The following NEGR1 variants were observed in gnomAD, a reference collection of about 807,000 sequenced individuals.
The protein encoded by NEGR1 is IgLON family member 4.
Under a neutral mutation model 40.9 loss-of-function variants are expected in NEGR1, and 10 were observed. The ratio of observed to expected loss-of-function variants is 0.24; its 90% confidence interval spans 0.15 to 0.42. The LOEUF (loss-of-function observed/expected upper bound fraction) is 0.42, where lower values mean the gene tolerates loss of function less well. NEGR1 is among the 10% of genes least tolerant of loss of function. The pLI, the probability that NEGR1 is intolerant of heterozygous loss-of-function variation, is 1.00. For missense variants in NEGR1, 352 were observed against 438.9 expected (o/e 0.80, Z 1.77); for synonymous variants, 185 against 166.8 (o/e 1.11, Z -0.84).
chr1:71,561,110 A>G (rs554321934), intron 6 of NEGR1, among the ~76,000 whole-genome samples: 1 of 151,748 alleles, frequency 6.6e-6, no homozygotes, highest in Non-Finnish European at 1.5e-5. Flanking sequence ...ATGAAATCAG[A>G]TATTAGAAGA....
intron 1 of NEGR1, among the ~76,000 whole-genome samples, chr1:71,984,988 T>G (rs1315701939): frequency 6.6e-6 from 1 of 152,170 alleles, no homozygotes; most frequent in Non-Finnish European, 1.5e-5. Context: ...GCTATTATTA[T>G]CCCTATTTTT....
intron 6 of NEGR1, among the ~76,000 whole-genome samples, chr1:71,560,429 T>TATATATATATATATATATATA (rs1648410237): frequency 8.7e-6 from 1 of 114,290 alleles, no homozygotes; most frequent in Non-Finnish European, 1.8e-5. Flanking sequence ...TAATTCTCCA[T>TATATATATATATATATATATA]TATATATATA....
intron 6 of NEGR1, among the ~76,000 whole-genome samples, chr1:71,479,168 G>A (rs1338537929): frequency 6.6e-6 from 1 of 151,916 alleles, no homozygotes; most frequent in Non-Finnish European, 1.5e-5. Flanking sequence ...AACCTCACCA[G>A]TCTTTATGAA....
intron 1 of NEGR1, among the ~76,000 whole-genome samples, chr1:72,117,641 C>T (rs1472202933): frequency 6.6e-6 from 1 of 151,752 alleles, no homozygotes; most frequent in Non-Finnish European, 1.5e-5. Context: ...CCTAGCATTG[C>T]TAATATTTCA....
chr1:71,540,429 T>C (rs1231523952), intron 6 of NEGR1, among the ~76,000 whole-genome samples: 2 of 151,782 alleles, frequency 1.3e-5, no homozygotes, highest in African/African-American at 2.4e-5. Context: ...AAAACCCTCA[T>C]TACTCCTAGG....
At chr1:72,246,441 C>A (rs1367324347) in intron 1 of NEGR1, among the ~76,000 whole-genome samples, 1 of 152,160 alleles carries the variant, frequency 6.6e-6, no homozygotes, top group Admixed American at 6.5e-5. Flanking sequence ...TGCCTCCATG[C>A]CATGCATCCA....
intron 6 of NEGR1, among the ~76,000 whole-genome samples, chr1:71,558,990 GTTTA>G (rs1427993206): frequency 7.5e-5 from 10 of 133,886 alleles, no homozygotes; most frequent in Non-Finnish European, 1.4e-4. Flanking sequence ...TATCATTTAT[GTTTA>G]TTTATTTATC....
chr1:71,791,441 GT>G lies in NEGR1; in HGVS notation c.410-15145del, dbSNP rs1570351463. On this transcript the variant is annotated intron_variant, in intron 2 of 6. Coordinates refer to ENST00000357731, the MANE Select transcript of NEGR1 (RefSeq NM_173808.3). ...TGATATCAATCTGAACGTGGCCACA[GT>G]GGCAGTGTTTAGAGCATGGAAATTG... Among the ~76,000 whole-genome samples, 3 of 152,166 alleles carry G rather than the reference GT, an allele frequency of 2.0e-5. No homozygotes were observed. In the East Asian group the frequency reaches 5.8e-4, roughly 29 times the overall value.
chr1:71,855,008 C>A lies in NEGR1; in HGVS notation c.410-78711G>T, dbSNP rs145275085. Among the ~76,000 whole-genome samples, 77 of 152,178 alleles carry A rather than the reference C, an allele frequency of 5.1e-4. No individual in the cohort carries two copies. The East Asian group carries it at 0.013, about 26-fold the overall frequency. On this transcript the variant is annotated intron_variant, in intron 2 of 6. Coordinates refer to ENST00000357731, the MANE Select transcript of NEGR1 (RefSeq NM_173808.3). The stretch of plus-strand genomic sequence containing the variant: ...GCATTCTGTAACAGCACAAGGTCAA[C>A]TATATAAGTCTCTGAGTTCACCTTT...
chr1:72,042,183 A>G (rs1646962763), intron 1 of NEGR1, among the ~76,000 whole-genome samples: 1 of 151,708 alleles, frequency 6.6e-6, no homozygotes, highest in African/African-American at 2.4e-5. Flanking sequence ...TTCTTCAAAC[A>G]GCAGGTGGAG....
rs181634067 is a variant in NEGR1 at position 71,882,417 on chromosome 1, G to A, written c.409+52662C>T. On this transcript the variant is annotated intron_variant, in intron 2 of 6. Coordinates refer to ENST00000357731, the MANE Select transcript of NEGR1 (RefSeq NM_173808.3). ...CCCCTAAGGGCTTTATTATTAATGG[G>A]AACTGCCCACGTGGTTTGAGGGAAG... 3.3e-5 allele frequency among the ~76,000 whole-genome samples: 5 copies of A among 152,016 alleles called. No individual in the cohort carries two copies. In the South Asian group the frequency reaches 6.2e-4, roughly 19 times the overall value.
At chr1:72,281,078 A>G (rs2100571954) in intron 1 of NEGR1, among the ~76,000 whole-genome samples, 1 of 152,314 alleles carries the variant, frequency 6.6e-6, no homozygotes, top group African/African-American at 2.4e-5. Context: ...AGTGTTGCTT[A>G]GGGGTAAAAT....
intron 2 of NEGR1, among the ~76,000 whole-genome samples, chr1:71,792,754 C>G (rs1045106985): frequency 5.9e-5 from 9 of 152,050 alleles, no homozygotes; most frequent in Admixed American, 5.9e-4. Flanking sequence ...AGCTGTAACA[C>G]TCAAATGGTA....
chr1:71,641,828 A>G (rs17091556), intron 4 of NEGR1, among the ~76,000 whole-genome samples: 5,578 of 152,088 alleles, frequency 0.037, 133 homozygotes, highest in African/African-American at 0.072. Flanking sequence ...GGAGATAAGA[A>G]TAGTTCAGAT....
chr1:72,248,421 C>T (rs1194280), intron 1 of NEGR1, among the ~76,000 whole-genome samples: 3,309 of 151,856 alleles, frequency 0.022, 55 homozygotes, highest in African/African-American at 0.032. Context: ...CCACGCCTGG[C>T]TAATATTTGT....
At chr1:71,559,092 T>A (rs917681376) in intron 6 of NEGR1, among the ~76,000 whole-genome samples, 45 of 148,854 alleles carry the variant, frequency 3.0e-4, no homozygotes, top group African/African-American at 1.1e-3. Flanking sequence ...TATATCAACA[T>A]GACTTCATAT....
At chr1:71,410,744 A>G (rs545689141) in intron 6 of NEGR1, among the ~76,000 whole-genome samples, 2 of 152,262 alleles carry the variant, frequency 1.3e-5, no homozygotes, top group South Asian at 4.1e-4. Context: ...GTGTGTGTAT[A>G]TGACTGTTGA....
intron 4 of NEGR1, among the ~76,000 whole-genome samples, chr1:71,636,218 A>T (rs1005867815): frequency 2.6e-4 from 39 of 152,130 alleles, no homozygotes; most frequent in Non-Finnish European, 4.0e-4. Flanking sequence ...GCCAAAATGG[A>T]AAGTAAATAA....
chr1:71,836,399 A>G (rs1015061928), intron 2 of NEGR1, among the ~76,000 whole-genome samples: 33 of 151,418 alleles, frequency 2.2e-4, no homozygotes, highest in African/African-American at 7.7e-4. Flanking sequence ...ATTGCACTCC[A>G]GCCTGGGCGA....
Sources: gnomAD v4.1 joint callset for allele counts (sites outside exome capture counted in the v4.1 genomes callset) on GRCh38, gnomAD v4.1.1 for gene constraint, MANE v1.5 for transcripts, NCBI Gene and HGNC (gene_info 2026-07-23, HGNC 2026-07-21) for gene names.